Variants in CERS6 observed in about 807,000 individuals in gnomAD.
The protein encoded by CERS6 is ceramide synthase 6.
CERS6 carries 26 observed loss-of-function variants against 56.8 expected under a neutral mutation model. That is an observed-to-expected ratio of 0.46 (90% CI 0.34 to 0.63). CERS6 has a LOEUF of 0.63. Ranked by LOEUF, CERS6 falls within the 30% of genes least tolerant of loss-of-function variation. The pLI is 0.01. For missense variants in CERS6, 415 were observed against 467.5 expected, an observed-to-expected ratio of 0.89 and a Z score of 1.04; for synonymous variants, 164 against 173.3, an observed-to-expected ratio of 0.95 and a Z score of 0.42.
intron 8 of CERS6, among the ~76,000 whole-genome samples, chr2:168,719,277 AT>A (rs1315790604): frequency 6.6e-6 from 1 of 151,912 alleles, no homozygotes; most frequent in East Asian, 1.9e-4. Context: ...GAGGTTATAA[AT>A]TTTTTTTCCA....
chr2:168,728,862 C>A (rs868171579), intron 8 of CERS6, among the ~76,000 whole-genome samples: 1 of 151,352 alleles, frequency 6.6e-6, no homozygotes, highest in African/African-American at 2.4e-5. Context: ...AAAAAATAGC[C>A]GGGCATGGTG....
At chr2:168,549,613 A>T (rs1243948768) in intron 2 of CERS6, among the ~76,000 whole-genome samples, 2 of 152,208 alleles carry the variant, frequency 1.3e-5, no homozygotes, top group Admixed American at 1.3e-4. Context: ...CCAGCCTGGC[A>T]ATGGAGCAAG....
chr2:168,472,386 C>G (rs1025821136), intron 1 of CERS6, among the ~76,000 whole-genome samples: 1 of 152,130 alleles, frequency 6.6e-6, no homozygotes, highest in Non-Finnish European at 1.5e-5. Context: ...AGAGGAAAGG[C>G]CTAATTTATG....
intron 3 of CERS6, among the ~76,000 whole-genome samples, chr2:168,573,277 G>A (rs1434790782): frequency 6.6e-6 from 1 of 152,136 alleles, no homozygotes; most frequent in Non-Finnish European, 1.5e-5. Flanking sequence ...ACAGCAACAG[G>A]AGCATCTAGC....
intron 1 of CERS6, among the ~76,000 whole-genome samples, chr2:168,540,138 G>A (rs893215683): frequency 6.6e-6 from 1 of 151,136 alleles, no homozygotes; most frequent in Non-Finnish European, 1.5e-5. Flanking sequence ...GCTGAACATA[G>A]AATTTTTGGC....
chr2:168,723,331 A>G (rs1482007642), intron 8 of CERS6, among the ~76,000 whole-genome samples: 6 of 152,144 alleles, frequency 3.9e-5, no homozygotes, highest in Non-Finnish European at 1.5e-5. Flanking sequence ...TTACCTCCCA[A>G]TACTTTCTGC....
intron 8 of CERS6, 62 bp from the exon 9 acceptor site, chr2:168,765,530 A>T: frequency 1.3e-6 from 2 of 1,561,914 alleles, no homozygotes; most frequent in Non-Finnish European, 1.7e-6. Context: ...TGCAGTGACT[A>T]GAGTTCCTTG....
chr2:168,545,179 AC>A (rs1695443227), intron 1 of CERS6, among the ~76,000 whole-genome samples: 1 of 152,232 alleles, frequency 6.6e-6, no homozygotes, highest in South Asian at 2.1e-4. Context: ...ACATACATGT[AC>A]ATATATAATT....
chr2:168,524,038 T>C (rs1695028538), intron 1 of CERS6, among the ~76,000 whole-genome samples: 1 of 152,218 alleles, frequency 6.6e-6, no homozygotes, highest in Admixed American at 6.5e-5. Context: ...GTAGACATGC[T>C]GATGTTTTTC....
intron 8 of CERS6, among the ~76,000 whole-genome samples, chr2:168,746,775 G>GTACATATATA (rs1684107510): frequency 2.6e-5 from 1 of 38,992 alleles, no homozygotes; most frequent in African/African-American, 7.8e-5. Context: ...AGGGTAAAGG[G>GTACATATATA]TATATATATA....
chr2:168,747,853 A>ACATC (rs1405709111), intron 8 of CERS6, among the ~76,000 whole-genome samples: 1 of 139,448 alleles, frequency 7.2e-6, no homozygotes, highest in African/African-American at 2.8e-5. Flanking sequence ...ACACACACAC[A>ACATC]CACGCATTTG....
chr2:168,634,757 G>A (rs758996077), intron 4 of CERS6, among the ~76,000 whole-genome samples: 7 of 152,144 alleles, frequency 4.6e-5, no homozygotes, highest in Non-Finnish European at 1.0e-4. Flanking sequence ...ACACACGCAT[G>A]TATGTAAAAG....
chr2:168,756,068 G>A (rs890339869), intron 8 of CERS6, among the ~76,000 whole-genome samples: 1 of 152,186 alleles, frequency 6.6e-6, no homozygotes, highest in African/African-American at 2.4e-5. Flanking sequence ...CTTGCTAGGA[G>A]TGATCCTACA....
chr2:168,752,051 A>C (rs573236016), intron 8 of CERS6, among the ~76,000 whole-genome samples: 123 of 152,248 alleles, frequency 8.1e-4, no homozygotes, highest in Non-Finnish European at 1.4e-3. Context: ...CAGGGATACA[A>C]TTGCATTGGT....
rs571880765 is a variant in CERS6 at position 168,734,743 on chromosome 2, A to G, written c.845+16765A>G. On this transcript the variant is annotated intron_variant, in intron 8 of 9. Transcript: ENST00000305747. ...TAAAAGTTGCTTAGCAATGGGACAA[A>G]AACAAAAGCAACTAGGTTTATATTT... Among the ~76,000 whole-genome samples the G allele has an allele frequency of 4.1e-4, 62 of 152,342 alleles. No homozygotes were observed. The South Asian group carries it at 0.011, about 27-fold the overall frequency.
Position 168,754,872 on chromosome 2 carries a change from G to A in CERS6, c.846-10720G>A, listed in dbSNP as rs149404163. ...TCCTGTGCTCAAGTGATCCTCCTGC[G>A]CTCAAGTGATCTCCTGCCTCCGCCT... is the stretch of plus-strand genomic sequence containing the variant. On this transcript the variant is annotated intron_variant, in intron 8 of 9. Coordinates refer to ENST00000305747, the MANE Select transcript of CERS6 (RefSeq NM_203463.3). 1.8e-3 allele frequency among the ~76,000 whole-genome samples: 268 copies of A among 152,160 alleles called. 2 individuals carry two copies. Among genetic ancestry groups the A allele is most frequent in the African/African-American group, 5.7e-3 (237 of 41,526 alleles).
At chr2:168,595,414 A>G (rs1241799826) in intron 3 of CERS6, among the ~76,000 whole-genome samples, 1 of 152,220 alleles carries the variant, frequency 6.6e-6, no homozygotes, top group East Asian at 1.9e-4. Flanking sequence ...GACCAAGGTT[A>G]GATTGAATGT....
intron 8 of CERS6, among the ~76,000 whole-genome samples, chr2:168,754,332 A>G (rs972405415): frequency 6.6e-6 from 1 of 152,194 alleles, no homozygotes; most frequent in Non-Finnish European, 1.5e-5. Flanking sequence ...AAGTGAGTAT[A>G]TATACTTTAC....
At chr2:168,610,994 A>G (rs1185065142) in intron 3 of CERS6, among the ~76,000 whole-genome samples, 1 of 152,214 alleles carries the variant, frequency 6.6e-6, no homozygotes, top group Admixed American at 6.5e-5. Context: ...TTTTTAGTAG[A>G]GACGAGGTTT....
Sources: gnomAD v4.1 joint callset for allele counts (sites outside exome capture counted in the v4.1 genomes callset) on GRCh38, gnomAD v4.1.1 for gene constraint, MANE v1.5 for transcripts, NCBI Gene and HGNC (gene_info 2026-07-23, HGNC 2026-07-21) for gene names.